TMEM135: variants seen among roughly 807,000 people sequenced by gnomAD.
TMEM135 encodes peroxisomal membrane protein 52.
Under a neutral mutation model 60.3 loss-of-function variants are expected in TMEM135, and 30 were observed. The observed-to-expected ratio is 0.50, with a 90% CI of 0.37 to 0.68. The LOEUF is 0.68. Ranked by LOEUF, TMEM135 falls within the 30% of genes least tolerant of loss-of-function variation. The pLI, the probability that TMEM135 is intolerant of heterozygous loss-of-function variation, is 0.00. For missense variants in TMEM135, 468 were observed against 548.8 expected (o/e 0.85, Z 1.47); for synonymous variants, 190 against 186.7 (o/e 1.02, Z -0.14).
intron 5 of TMEM135, among the ~76,000 whole-genome samples, chr11:87,230,580 T>C (rs1940869809): frequency 6.6e-6 from 1 of 152,150 alleles, no homozygotes; most frequent in Non-Finnish European, 1.5e-5. Flanking sequence ...TGATCATTGA[T>C]TTTTTGTGTC....
At position 87,273,049 on chromosome 11, in the gene TMEM135, A is replaced by G. The variant is rs147244335; in HGVS notation, c.510-22733A>G. ...TATCCTGTCTTTCTTCCATCTTATT[A>G]TTGTTTAAAAACCTCTTATATTTAT... On this transcript the variant is annotated intron_variant, in intron 6 of 14. Coordinates refer to ENST00000305494, the MANE Select transcript of TMEM135 (RefSeq NM_022918.4). Among the ~76,000 whole-genome samples, 12 of 152,136 alleles carry G rather than the reference A, an allele frequency of 7.9e-5. No homozygotes were observed. In the East Asian group the frequency reaches 2.3e-3, roughly 29 times the overall value.
At chr11:87,242,277 G>A (rs1185640071) in intron 6 of TMEM135, among the ~76,000 whole-genome samples, 1 of 151,882 alleles carries the variant, frequency 6.6e-6, no homozygotes, top group African/African-American at 2.4e-5. Context: ...TTGGTTCTAA[G>A]TCTTTGCTAT....
intron 1 of TMEM135, among the ~76,000 whole-genome samples, chr11:87,059,500 G>C (rs1949925896): frequency 6.6e-6 from 1 of 151,852 alleles, no homozygotes; most frequent in Admixed American, 6.6e-5. Flanking sequence ...ATTTTTAGTA[G>C]AGACAAGGTT....
At chr11:87,299,983 A>G (rs1942415118) in intron 7 of TMEM135, among the ~76,000 whole-genome samples, 1 of 152,186 alleles carries the variant, frequency 6.6e-6, no homozygotes, top group South Asian at 2.1e-4. Context: ...TTTAAGATGA[A>G]TTTTAAAAGA....
intron 6 of TMEM135, among the ~76,000 whole-genome samples, chr11:87,270,337 CTCTTTAG>C (rs1941839767): frequency 6.6e-6 from 1 of 151,934 alleles, no homozygotes; most frequent in Non-Finnish European, 1.5e-5. Context: ...TGTGCAGAAG[CTCTTTAG>C]TTTAATGAGA....
chr11:87,199,422 C>T (rs489073), intron 5 of TMEM135, among the ~76,000 whole-genome samples: 20,007 of 152,160 alleles, frequency 0.13, 1,372 homozygotes, highest in Non-Finnish European at 0.15. Flanking sequence ...AAACTATGGC[C>T]TCTACCCAGA....
chr11:87,316,992 A>G (rs367844735), intron 12 of TMEM135, among the ~76,000 whole-genome samples: 2 of 151,792 alleles, frequency 1.3e-5, no homozygotes, highest in East Asian at 3.9e-4. Flanking sequence ...TTAATTTTAT[A>G]TTAAAATGTT....
At chr11:87,315,539 A>G (rs995053729) in intron 12 of TMEM135, among the ~76,000 whole-genome samples, 2 of 151,916 alleles carry the variant, frequency 1.3e-5, no homozygotes, top group African/African-American at 4.8e-5. Context: ...CCCTATAGCT[A>G]TTGGTTTTCG....
At chr11:87,190,244 C>T (rs1464300803) in intron 5 of TMEM135, among the ~76,000 whole-genome samples, 2 of 152,154 alleles carry the variant, frequency 1.3e-5, no homozygotes, top group Non-Finnish European at 2.9e-5. Context: ...GAAGTACTGT[C>T]ACTGACTACT....
At position 87,155,264 on chromosome 11, in the gene TMEM135, G is replaced by A. The variant is rs181268594; in HGVS notation, c.397-2077G>A. 1.7e-3 allele frequency among the ~76,000 whole-genome samples: 262 copies of A among 152,354 alleles called. 1 individual carries two copies. The highest frequency in any genetic ancestry group is 2.7e-3 in the Non-Finnish European group (183 of 68,030). ...TCCACCCGCCTCGGCCTCTCAAACT[G>A]TTGGGATTACAGGCGTGAGCCGCCA... On this transcript the variant is annotated intron_variant, in intron 4 of 14. Transcript: ENST00000305494.
intron 4 of TMEM135, among the ~76,000 whole-genome samples, chr11:87,113,688 C>A (rs1857809341): frequency 6.6e-6 from 1 of 151,896 alleles, no homozygotes; most frequent in Non-Finnish European, 1.5e-5. Context: ...CTCCTAGGCC[C>A]CTGATTTACT....
At chr11:87,243,546 T>C (rs1428393760) in intron 6 of TMEM135, among the ~76,000 whole-genome samples, 4 of 109,748 alleles carry the variant, frequency 3.6e-5, no homozygotes, top group East Asian at 4.2e-4. Flanking sequence ...TGGTTTGTAG[T>C]TCTCCTTGAA....
rs530951261 is a variant in TMEM135, at chr11:87,088,901, G to C, written c.363-2461G>C. 2.0e-5 allele frequency among the ~76,000 whole-genome samples: 3 copies of C among 152,256 alleles called. No individual in the cohort carries two copies. The South Asian group carries it at 6.2e-4, about 32-fold the overall frequency. ...TTACAATAACAACATAATAACCTTA[G>C]TTATGATTGAGCACCAGCATGATGC... is the stretch of plus-strand genomic sequence containing the variant. On this transcript the variant is annotated intron_variant, in intron 3 of 14. Coordinates refer to ENST00000305494, the MANE Select transcript of TMEM135 (RefSeq NM_022918.4).
rs188453711 is a variant in TMEM135 at position 87,302,747 on chromosome 11, G to A, written c.698+305G>A. On this transcript the variant is annotated intron_variant, in intron 8 of 14. Transcript: ENST00000305494. ...AACTTCAGGAAACTGATTACTATGT[G>A]TTGATTTAATATGCCAAGTATGGAA... 2.4e-3 allele frequency among the ~76,000 whole-genome samples: 368 copies of A among 152,268 alleles called. 2 individuals carry two copies. The highest frequency in any genetic ancestry group is 8.2e-3 in the African/African-American group (342 of 41,554).
chr11:87,041,798 G>T (rs186552907), intron 1 of TMEM135, among the ~76,000 whole-genome samples: 57 of 152,332 alleles, frequency 3.7e-4, no homozygotes, highest in Admixed American at 3.3e-3. Context: ...GACATATTTG[G>T]CAGGTCTGCC....
chr11:87,129,626 T>C (rs1937856289), intron 4 of TMEM135, among the ~76,000 whole-genome samples: 1 of 150,632 alleles, frequency 6.6e-6, no homozygotes, highest in Non-Finnish European at 1.5e-5. Context: ...CTGCAACCTC[T>C]GCCCCCCGGG....
chr11:87,194,876 T>G (rs1391320768), intron 5 of TMEM135, among the ~76,000 whole-genome samples: 1 of 152,224 alleles, frequency 6.6e-6, no homozygotes, highest in Non-Finnish European at 1.5e-5. Flanking sequence ...TGTCATGAGG[T>G]TATCTTTTAC....
At chr11:87,309,938 AAT>A (rs953807688) in intron 10 of TMEM135, among the ~76,000 whole-genome samples, 65 of 152,230 alleles carry the variant, frequency 4.3e-4, no homozygotes, top group African/African-American at 1.5e-3. Context: ...TTTCTTTTTC[AAT>A]ATATAGACAC....
intron 5 of TMEM135, among the ~76,000 whole-genome samples, chr11:87,191,987 CT>C (rs200969171): frequency 1.2e-3 from 94 of 77,174 alleles, no homozygotes; most frequent in South Asian, 5.4e-3. Context: ...CTTTTCTTTT[CT>C]TTTTTTTTTT....
Sources: gnomAD v4.1 joint callset for allele counts (sites outside exome capture counted in the v4.1 genomes callset) on GRCh38, gnomAD v4.1.1 for gene constraint, MANE v1.5 for transcripts, NCBI Gene and HGNC (gene_info 2026-07-23, HGNC 2026-07-21) for gene names.